NADSYN1: variants seen among roughly 807,000 people sequenced by gnomAD.
The protein encoded by NADSYN1 is glutamine-dependent NAD(+) synthetase.
Under a neutral mutation model 99.3 loss-of-function variants are expected in NADSYN1, and 80 were observed. That is an observed-to-expected ratio of 0.81 (90% CI 0.67 to 0.97). The LOEUF (loss-of-function observed/expected upper bound fraction) is 0.97, where lower values mean the gene tolerates loss of function less well. NADSYN1 is among the 50% of genes least tolerant of loss of function. The pLI is 0.00. For missense variants in NADSYN1, 859 were observed against 948.5 expected (o/e 0.91, Z 1.24); for synonymous variants, 385 against 372.1 (o/e 1.03, Z -0.40).
At chr11:71,475,990 A>G (rs767857247) in intron 9 of NADSYN1, 7 of 455,406 alleles carry the variant, frequency 1.5e-5, no homozygotes, top group South Asian at 1.1e-4. Context: ...CTGGGATTAC[A>G]GGTGTGAGCC....
At chr11:71,454,417 G>A (rs1363672215) in intron 1 of NADSYN1, among the ~76,000 whole-genome samples, 1 of 152,226 alleles carries the variant, frequency 6.6e-6, no homozygotes, top group Non-Finnish European at 1.5e-5. Flanking sequence ...TCACCATGGT[G>A]GCCATGCTGG....
At chr11:71,474,578 G>C in intron 9 of NADSYN1, 52 bp downstream of exon 9, 1 of 1,610,868 alleles carries the variant, frequency 6.2e-7, no homozygotes, top group Non-Finnish European at 8.5e-7. Context: ...TGCAGAGACC[G>C]AGCTCCTGGC....
chr11:71,484,926 T>TGTGTGCATGAGTGC (rs1436732843), intron 15 of NADSYN1: 1 of 189,536 alleles, frequency 5.3e-6, no homozygotes. Flanking sequence ...AGTGCACAGT[T>TGTGTGCATGAGTGC]GTGTGCATGA....
chr11:71,477,489 C>T (rs1459236834), intron 9 of NADSYN1: 8 of 1,271,584 alleles, frequency 6.3e-6, no homozygotes, highest in Non-Finnish European at 7.2e-6. Context: ...AAGGTGGCCA[C>T]GGCCATCCTG....
At chr11:71,472,570 G>T (rs1290719183) in intron 6 of NADSYN1, 70 bp downstream of exon 6, 27 of 1,419,078 alleles carry the variant, frequency 1.9e-5, no homozygotes, top group Non-Finnish European at 2.6e-5. Flanking sequence ...TGGACCAGGT[G>T]GGGCGGGAAC....
At chr11:71,481,830 G>C (rs1400148319) in intron 12 of NADSYN1, 93 bp from the exon 13 acceptor site, 1 of 1,095,334 alleles carries the variant, frequency 9.1e-7, no homozygotes. Flanking sequence ...TTCTGTGGAC[G>C]CCTCCTTGAG....
intron 20 of NADSYN1, among the ~76,000 whole-genome samples, chr11:71,500,792 C>T (rs1339590431): frequency 6.6e-6 from 1 of 152,192 alleles, no homozygotes; most frequent in Non-Finnish European, 1.5e-5. Context: ...GGAGCCCACA[C>T]GCCACACCCA....
At chr11:71,478,313 A>G (rs1040848471) in intron 9 of NADSYN1, 82 bp from the exon 10 acceptor site, 64 of 1,185,490 alleles carry the variant, frequency 5.4e-5, no homozygotes, top group Admixed American at 3.2e-4. Context: ...AGGTGTGACA[A>G]CACCTTTGAC....
At position 71,498,440 on chromosome 11, in the gene NADSYN1, A is replaced by T. The variant is rs1555152800; in HGVS notation, c.1982A>T (p.Asn661Ile). 3 of 1,614,198 alleles carry T rather than the reference A, an allele frequency of 1.9e-6. No individual in the cohort carries two copies. The highest frequency in any genetic ancestry group is 1.7e-6 in the Non-Finnish European group (2 of 1,180,034). The change falls in exon 20 of 21, where the codon AAC (asparagine) becomes ATC (isoleucine). Residue 661 changes from asparagine (N) to isoleucine (I), a missense_variant. Physicochemically the swap from Asn to Ile is moderately radical, Grantham distance 149. Coordinates refer to ENST00000319023, the MANE Select transcript of NADSYN1 (RefSeq NM_018161.5). The part of the protein sequence containing the change: ...TTLTPAYHAE[N>I]YSPEDNRFDL... ...CTCACACCCGCGTACCACGCCGAGA[A>T]CTACAGCCCTGAGGACAACAGGTTT...
chr11:71,466,997 T>C (rs185146989), intron 5 of NADSYN1, among the ~76,000 whole-genome samples: 1 of 152,196 alleles, frequency 6.6e-6, no homozygotes, highest in African/African-American at 2.4e-5. Context: ...GGAGATCCAA[T>C]AGGAGACACC....
intron 16 of NADSYN1, among the ~76,000 whole-genome samples, chr11:71,489,927 A>G (rs74327815): frequency 0.089 from 13,561 of 152,240 alleles, 771 homozygotes; most frequent in African/African-American, 0.16. Flanking sequence ...GTGGTCAGCC[A>G]GGAGTCCCGT....
chr11:71,472,736 C>T (rs1949635838), intron 6 of NADSYN1, among the ~76,000 whole-genome samples: 1 of 152,232 alleles, frequency 6.6e-6, no homozygotes, highest in South Asian at 2.1e-4. Context: ...TTCCCCCACT[C>T]ACACTGGCTT....
chr11:71,478,654 C>T (rs140356890), intron 10 of NADSYN1, 185 bp downstream of exon 10: 224 of 587,286 alleles, frequency 3.8e-4, no homozygotes, highest in African/African-American at 2.3e-3. Flanking sequence ...ATCTGTTCCC[C>T]GTCATCCTCT....
chr11:71,501,237 C>A, intron 20 of NADSYN1, 65 bp from the exon 21 acceptor site: 1 of 1,410,284 alleles, frequency 7.1e-7, no homozygotes, highest in South Asian at 1.5e-5. Flanking sequence ...TGGTGCGTGC[C>A]AGTGTTTCAA....
chr11:71,455,696 C>T (rs1949508959), intron 2 of NADSYN1, among the ~76,000 whole-genome samples: 5 of 152,216 alleles, frequency 3.3e-5, no homozygotes, highest in Admixed American at 2.6e-4. Flanking sequence ...TCTGCCAGCA[C>T]CTTGATCGTG....
chr11:71,467,215 T>G (rs1015060609), intron 5 of NADSYN1, among the ~76,000 whole-genome samples: 7 of 152,206 alleles, frequency 4.6e-5, no homozygotes, highest in African/African-American at 1.7e-4. Flanking sequence ...TAATTCCATG[T>G]GGACCCAAGA....
chr11:71,476,353 G>A (rs191828546), intron 9 of NADSYN1: 32 of 352,670 alleles, frequency 9.1e-5, no homozygotes, highest in East Asian at 6.0e-4. Context: ...GTGTCCTGGC[G>A]TCGCCGACTC....
intron 3 of NADSYN1, among the ~76,000 whole-genome samples, chr11:71,459,345 A>G (rs889887282): frequency 2.7e-5 from 4 of 146,372 alleles, no homozygotes; most frequent in Admixed American, 2.7e-4. Context: ...CCGGTCCCCT[A>G]TGGAGGCCTC....
At position 71,464,076 on chromosome 11, in the gene NADSYN1, A is replaced by G. The variant is rs770950066; in HGVS notation, c.341A>G (p.Lys114Arg). 5.0e-6 allele frequency: 8 copies of G among 1,612,646 alleles called. No individual in the cohort carries two copies. The highest frequency in any genetic ancestry group is 3.3e-5 in the Admixed American group (2 of 59,896). Residue 114 changes from lysine to arginine, a missense_variant, in exon 5 of 21, where the codon AAG becomes AGG. Transcript: ENST00000319023. ...AGGAAGATCCTGCTCATCAGACCCAAGATGGCCTTGGCCAATGAAGGCAAC... is the reference window on the plus strand; with the variant it reads ...AGGAAGATCCTGCTCATCAGACCCAGGATGGCCTTGGCCAATGAAGGCAAC... ...LNRKILLIRP[K>R]MALANEGNYR...
Sources: gnomAD v4.1 joint callset for allele counts (sites outside exome capture counted in the v4.1 genomes callset) on GRCh38, gnomAD v4.1.1 for gene constraint, MANE v1.5 for transcripts, NCBI Gene and HGNC (gene_info 2026-07-23, HGNC 2026-07-21) for gene names.